Variants in ARMC2 observed in about 807,000 individuals in gnomAD.
ARMC2 encodes armadillo repeat containing 2.
In ARMC2, 67 loss-of-function variants were observed where a neutral mutation model predicts 90.3. That is an observed-to-expected ratio of 0.74 (90% CI 0.61 to 0.91). ARMC2 has a LOEUF of 0.91. Among genes scored for constraint, ARMC2 ranks in the 40% least tolerant of loss-of-function variants. The probability of loss-of-function intolerance (pLI) is 0.00; values close to 1 mark genes in which losing one functional copy is unlikely to be tolerated. For synonymous variants in ARMC2, 393 were observed against 393.0 expected (o/e 1.00, Z 0.00); for missense variants, 920 against 1,030.9 (o/e 0.89, Z 1.47).
chr6:109,049,078 A>T, the ARMC2 span, among the ~76,000 whole-genome samples: 3 of 152,186 alleles, frequency 2.0e-5, no homozygotes, highest in African/African-American at 7.2e-5. Flanking sequence ...GACAGCTATG[A>T]TTTCTGCAAG....
intron 6 of ARMC2, 143 bp from the exon 7 acceptor site, chr6:108,899,551 A>G: frequency 1.5e-6 from 1 of 675,614 alleles, no homozygotes; most frequent in East Asian, 2.8e-5. Context: ...AGTTCTAATG[A>G]GAAATAGTCA....
intron 12 of ARMC2, among the ~76,000 whole-genome samples, chr6:108,949,935 G>A (rs1415371089): frequency 6.6e-6 from 1 of 152,236 alleles, no homozygotes; most frequent in Non-Finnish European, 1.5e-5. Flanking sequence ...GCCGGGCACA[G>A]TGGCTCACGC....
chr6:108,955,563 G>A (rs570858578), intron 13 of ARMC2, among the ~76,000 whole-genome samples: 22 of 152,178 alleles, frequency 1.4e-4, no homozygotes, highest in Middle Eastern at 3.4e-3. Flanking sequence ...GTGCTTCCCC[G>A]CACTCCACAT....
chr6:108,865,198 G>T (rs1429505421), intron 3 of ARMC2, among the ~76,000 whole-genome samples: 1 of 151,936 alleles, frequency 6.6e-6, no homozygotes, highest in African/African-American at 2.4e-5. Flanking sequence ...GGCTAGGCTG[G>T]TCTTGAACTC....
chr6:108,948,838 G>A (rs1311878457), intron 12 of ARMC2, among the ~76,000 whole-genome samples: 1 of 152,024 alleles, frequency 6.6e-6, no homozygotes, highest in Non-Finnish European at 1.5e-5. Flanking sequence ...GTGACAGTGG[G>A]GAGAGGTCAT....
At chr6:109,006,961 T>C in the ARMC2 span, among the ~76,000 whole-genome samples, 1 of 152,232 alleles carries the variant, frequency 6.6e-6, no homozygotes, top group African/African-American at 2.4e-5. Context: ...GAGACAGAAC[T>C]GCCACCAACA....
chr6:108,896,780 T>C (rs983148334), intron 6 of ARMC2, among the ~76,000 whole-genome samples: 1 of 152,198 alleles, frequency 6.6e-6, no homozygotes, highest in Non-Finnish European at 1.5e-5. Context: ...TGGTTTCTCA[T>C]AGAAGTTCTC....
chr6:109,000,747 CAA>C, the ARMC2 span: 1 of 1,179,480 alleles, frequency 8.5e-7, no homozygotes, highest in Non-Finnish European at 1.1e-6. Flanking sequence ...TTACAACATG[CAA>C]AAGAGCTAAT....
Position 108,973,599 on chromosome 6 carries a change from C to G in ARMC2, c.*85C>G. The G allele has an allele frequency of 7.5e-7, 1 of 1,334,308 alleles. No homozygotes were observed. Among genetic ancestry groups the G allele is most frequent in the Non-Finnish European group, 1.0e-6 (1 of 996,752 alleles). 82.7% of individuals were successfully genotyped at this position (1,334,308 alleles called of 1,614,324 possible). A position where few individuals can be genotyped will look rare whatever the true frequency, so the allele number is the denominator to read the frequency against. On this transcript the variant is annotated 3_prime_UTR_variant, in exon 18 of 18. Coordinates refer to ENST00000392644, the MANE Select transcript of ARMC2 (RefSeq NM_032131.6). ...TAACAAACGTGAACATTTTTTTCAG[C>G]ATTAACAAATGTGGAAAGTTTTTCA... is the stretch of plus-strand genomic sequence containing the variant.
At position 108,938,497 on chromosome 6, in the gene ARMC2, G is replaced by T. The variant is rs188325472; in HGVS notation, c.1596+1498G>T. On this transcript the variant is annotated intron_variant, in intron 12 of 17. Transcript: ENST00000392644. Reference sequence around the variant, plus strand: ...GTGAGCCACTGTGCCTGGCCCAAAAGAATTCTTTTACATGTTATACTCAAA... The same window carrying T: ...GTGAGCCACTGTGCCTGGCCCAAAATAATTCTTTTACATGTTATACTCAAA... Among the ~76,000 whole-genome samples the T allele has an allele frequency of 5.3e-3, 786 of 147,370 alleles. 4 individuals are homozygous for T. The highest frequency in any genetic ancestry group is 0.019 in the African/African-American group (761 of 40,154).
chr6:108,982,108 T>G, the ARMC2 span, among the ~76,000 whole-genome samples: 1 of 152,254 alleles, frequency 6.6e-6, no homozygotes, highest in South Asian at 2.1e-4. Context: ...AATATAGGTT[T>G]GCAAATCTCT....
the ARMC2 span, among the ~76,000 whole-genome samples, chr6:109,023,316 C>T: frequency 6.6e-6 from 1 of 152,158 alleles, no homozygotes; most frequent in Non-Finnish European, 1.5e-5. Context: ...TCATAACTTC[C>T]TTCAAAAGTC....
chr6:108,858,808 A>T (rs2128419109), intron 3 of ARMC2, among the ~76,000 whole-genome samples: 1 of 152,258 alleles, frequency 6.6e-6, no homozygotes, highest in East Asian at 1.9e-4. Context: ...CTCTTTCGAC[A>T]CATCCTTTTA....
At chr6:108,860,287 A>G (rs1005361650) in intron 3 of ARMC2, among the ~76,000 whole-genome samples, 4 of 151,932 alleles carry the variant, frequency 2.6e-5, no homozygotes, top group South Asian at 2.1e-4. Flanking sequence ...TTCTCCCTTT[A>G]TAGTCTCTGT....
intron 11 of ARMC2, among the ~76,000 whole-genome samples, chr6:108,933,474 G>T (rs1386179660): frequency 6.6e-6 from 1 of 152,148 alleles, no homozygotes; most frequent in South Asian, 2.1e-4. Context: ...GGCTGAGACT[G>T]TGGGGTTTTC....
chr6:108,937,308 G>A (rs1776034419), intron 12 of ARMC2, among the ~76,000 whole-genome samples: 1 of 152,076 alleles, frequency 6.6e-6, no homozygotes, highest in Non-Finnish European at 1.5e-5. Context: ...GGGTGGGGGA[G>A]GGGGTATAAC....
At chr6:108,958,983 T>C (rs760480033) in intron 13 of ARMC2, among the ~76,000 whole-genome samples, 6 of 152,248 alleles carry the variant, frequency 3.9e-5, no homozygotes, top group Non-Finnish European at 7.3e-5. Flanking sequence ...GGAGGTCCTG[T>C]GTCCCTTCTT....
chr6:108,917,464 A>G (rs1364684602), intron 10 of ARMC2, among the ~76,000 whole-genome samples: 1 of 152,102 alleles, frequency 6.6e-6, no homozygotes, highest in Non-Finnish European at 1.5e-5. Flanking sequence ...AGGGAATAGG[A>G]AAGTGTATGG....
chr6:108,897,627 G>C (rs11961751), intron 6 of ARMC2, among the ~76,000 whole-genome samples: 2,574 of 152,106 alleles, frequency 0.017, 82 homozygotes, highest in African/African-American at 0.06. Context: ...GCCATTTCTA[G>C]CATGTAGTAT....
Sources: gnomAD v4.1 joint callset for allele counts (sites outside exome capture counted in the v4.1 genomes callset) on GRCh38, gnomAD v4.1.1 for gene constraint, MANE v1.5 for transcripts, NCBI Gene and HGNC (gene_info 2026-07-23, HGNC 2026-07-21) for gene names.